The following CLOCK variants were observed in gnomAD, a reference collection of about 807,000 sequenced individuals.
CLOCK encodes circadian locomoter output cycles protein kaput.
In CLOCK, 43 loss-of-function variants were observed where a neutral mutation model predicts 118.4. The ratio of observed to expected loss-of-function variants is 0.36; its 90% CI spans 0.28 to 0.47. The LOEUF (loss-of-function observed/expected upper bound fraction) is 0.47. Ranked by LOEUF, CLOCK falls within the 20% of genes least tolerant of loss-of-function variation. The pLI is 1.00. For synonymous variants in CLOCK, 326 were observed against 339.2 expected, an observed-to-expected ratio of 0.96 and a Z score of 0.43; for missense variants, 846 against 999.9, an observed-to-expected ratio of 0.85 and a Z score of 2.08.
At chr4:55,449,940 G>T in intron 16 of CLOCK, 151 bp downstream of exon 16, 1 of 908,346 alleles carries the variant, frequency 1.1e-6, no homozygotes, top group Non-Finnish European at 1.7e-6. Flanking sequence ...AGTGGGCAAT[G>T]TCCCTTTAAC....
intron 2 of CLOCK, among the ~76,000 whole-genome samples, chr4:55,502,601 T>C (rs1471228951): frequency 1.3e-5 from 2 of 152,102 alleles, no homozygotes; most frequent in African/African-American, 4.8e-5. Flanking sequence ...ATAGATAACA[T>C]CTTCTTGGCT....
rs374567349 is a variant in CLOCK at position 55,464,369 on chromosome 4, G to T, written c.439-564C>A. Among the ~76,000 whole-genome samples, 63 of 152,274 alleles carry T rather than the reference G, an allele frequency of 4.1e-4. No homozygotes were observed. In the South Asian group the frequency reaches 0.013, roughly 31 times the overall value. On this transcript the variant is annotated intron_variant, in intron 8 of 22. Transcript: ENST00000513440. ...TTCTTGTTAATACACAGCTTTAATC[G>T]TGATTAATCAATAGCAATTTGACAA...
intron 20 of CLOCK, 129 bp from the exon 21 acceptor site, chr4:55,442,763 G>C: frequency 1.2e-6 from 1 of 823,838 alleles, no homozygotes; most frequent in Non-Finnish European, 2.0e-6. Context: ...TATTACTCTG[G>C]GGGAAATATA....
intron 2 of CLOCK, among the ~76,000 whole-genome samples, chr4:55,498,603 C>CTTATTA (rs56413931): frequency 0.54 from 80,751 of 148,438 alleles, 22,177 homozygotes; most frequent in East Asian, 0.62. Context: ...TATCTAGTTC[C>CTTATTA]TTATTATTAT....
chr4:55,453,385 G>A (rs773788681), intron 14 of CLOCK: 215 of 492,158 alleles, frequency 4.4e-4, no homozygotes, highest in Middle Eastern at 5.3e-4. Context: ...TAAAGGAAGT[G>A]TATGCTTATC....
chr4:55,448,700 G>T, intron 18 of CLOCK, 79 bp downstream of exon 18: 1 of 1,159,106 alleles, frequency 8.6e-7, no homozygotes, highest in Non-Finnish European at 1.2e-6. Flanking sequence ...AGCAAGCCTG[G>T]ATTTTTAAAA....
At chr4:55,520,485 T>C (rs1037257857) in intron 1 of CLOCK, among the ~76,000 whole-genome samples, 1 of 152,206 alleles carries the variant, frequency 6.6e-6, no homozygotes. Context: ...TTTTGTAGTA[T>C]GAACTACTCC....
intron 2 of CLOCK, among the ~76,000 whole-genome samples, chr4:55,501,955 G>C (rs12648271): frequency 0.24 from 36,691 of 152,030 alleles, 5,690 homozygotes; most frequent in East Asian, 0.58. Flanking sequence ...TAAACTACAA[G>C]GGCTTTTATA....
chr4:55,482,571 A>G (rs1218636785), intron 4 of CLOCK, among the ~76,000 whole-genome samples, 168 bp downstream of exon 4: 1 of 152,216 alleles, frequency 6.6e-6, no homozygotes, highest in African/African-American at 2.4e-5. Flanking sequence ...AAATACTGAT[A>G]TACCTTACTT....
chr4:55,485,428 T>G (rs1313499272), intron 3 of CLOCK, among the ~76,000 whole-genome samples: 1 of 152,178 alleles, frequency 6.6e-6, no homozygotes, highest in Non-Finnish European at 1.5e-5. Context: ...CAAATTAACT[T>G]TAACAAGACA....
intron 18 of CLOCK, among the ~76,000 whole-genome samples, 185 bp downstream of exon 18, chr4:55,448,594 A>ACACG (rs1553891180): frequency 4.9e-5 from 4 of 81,342 alleles, no homozygotes; most frequent in Admixed American, 1.4e-4. Flanking sequence ...GCGCGCGCGC[A>ACACG]CGCGCGCGTG....
intron 3 of CLOCK, among the ~76,000 whole-genome samples, chr4:55,485,835 T>C (rs1344533593): frequency 6.6e-6 from 1 of 152,214 alleles, no homozygotes; most frequent in Non-Finnish European, 1.5e-5. Context: ...TGCATGCCTT[T>C]ATCAAAACAT....
chr4:55,522,507 A>ATTTT, intron 1 of CLOCK, among the ~76,000 whole-genome samples: 1 of 150,614 alleles, frequency 6.6e-6, no homozygotes, highest in African/African-American at 2.5e-5. Flanking sequence ...TTTTTTTTAA[A>ATTTT]AAAAAAAGAA....
intron 16 of CLOCK, 58 bp from the exon 17 acceptor site, chr4:55,449,554 T>G: frequency 2.2e-6 from 3 of 1,391,050 alleles, no homozygotes. Context: ...TTTTTAAAGA[T>G]TAATCTCAAA....
At position 55,429,614 on chromosome 4, in the gene CLOCK, TGAC is replaced by T. The variant is rs1271775477; in HGVS notation, c.*5798_*5800del. ...ATGGATTTTAATATGGATATGATAATGACAGCCATTAAAAGATGCTATTTCTTT... is the reference window on the plus strand; with the variant it reads ...ATGGATTTTAATATGGATATGATAATAGCCATTAAAAGATGCTATTTCTTT... On this transcript the variant is annotated 3_prime_UTR_variant, in exon 23 of 23. Coordinates refer to ENST00000513440, the MANE Select transcript of CLOCK (RefSeq NM_004898.4). The T allele has an allele frequency of 4.6e-5, 7 of 152,314 alleles. No individual in the cohort carries two copies. Among genetic ancestry groups the T allele is most frequent in the African/African-American group, 1.7e-4 (7 of 41,586 alleles). 9.4% of individuals were successfully genotyped at this position (152,314 alleles called of 1,614,324 possible). A position where few individuals can be genotyped will look rare whatever the true frequency, so the allele number is the denominator to read the frequency against.
chr4:55,503,332 C>A (rs954865106), intron 2 of CLOCK, among the ~76,000 whole-genome samples: 1 of 152,192 alleles, frequency 6.6e-6, no homozygotes, highest in African/African-American at 2.4e-5. Flanking sequence ...ACCACTGCTA[C>A]ATGCATCAAC....
At chr4:55,472,317 C>G (rs1272642518) in intron 7 of CLOCK, among the ~76,000 whole-genome samples, 1 of 152,070 alleles carries the variant, frequency 6.6e-6, no homozygotes, top group South Asian at 2.1e-4. Flanking sequence ...AAGGCTATTA[C>G]AAGTCACTCA....
At chr4:55,446,040 C>T (rs185118734) in intron 18 of CLOCK, among the ~76,000 whole-genome samples, 1 of 151,686 alleles carries the variant, frequency 6.6e-6, no homozygotes, top group African/African-American at 2.4e-5. Flanking sequence ...CACATACACC[C>T]TGGATTTACA....
intron 1 of CLOCK, among the ~76,000 whole-genome samples, chr4:55,512,679 G>GGA (rs932858320): frequency 8.5e-5 from 13 of 152,252 alleles, no homozygotes; most frequent in African/African-American, 3.1e-4. Context: ...TTATCTTCTA[G>GGA]GAGTTTTATA....
Sources: gnomAD v4.1 joint callset for allele counts (sites outside exome capture counted in the v4.1 genomes callset) on GRCh38, gnomAD v4.1.1 for gene constraint, MANE v1.5 for transcripts, NCBI Gene and HGNC (gene_info 2026-07-23, HGNC 2026-07-21) for gene names.